The following ERBB4 variants were observed in gnomAD, a reference collection of about 807,000 sequenced individuals.
ERBB4 encodes the protein erb-b2 receptor tyrosine kinase 4.
In ERBB4, 42 loss-of-function variants were observed where a neutral mutation model predicts 158.0. The ratio of observed to expected loss-of-function variants is 0.27; its 90% CI spans 0.21 to 0.34. The LOEUF (loss-of-function observed/expected upper bound fraction) is 0.34. Ranked by LOEUF, ERBB4 falls within the 10% of genes least tolerant of loss-of-function variation. The pLI, the probability that ERBB4 is intolerant of heterozygous loss-of-function variation, is 1.00. For missense variants in ERBB4, 1,333 were observed against 1,624.1 expected (o/e 0.82, Z 3.08); for synonymous variants, 583 against 558.7 (o/e 1.04, Z -0.61).
At chr2:212,252,878 C>T (rs762446205) in intron 1 of ERBB4, among the ~76,000 whole-genome samples, 3 of 152,058 alleles carry the variant, frequency 2.0e-5, no homozygotes, top group Non-Finnish European at 4.4e-5. Context: ...AAAAGTGACA[C>T]ATATCTTTAG....
At chr2:212,391,744 T>A (rs1260639375) in intron 1 of ERBB4, among the ~76,000 whole-genome samples, 1 of 138,010 alleles carries the variant, frequency 7.2e-6, no homozygotes. Flanking sequence ...ACATATATAT[T>A]ATATATAATA....
chr2:211,832,589 T>C (rs1396711585), intron 3 of ERBB4, among the ~76,000 whole-genome samples: 6 of 150,796 alleles, frequency 4.0e-5, no homozygotes, highest in African/African-American at 7.3e-5. Flanking sequence ...TATATATATA[T>C]ACACATAAAC....
chr2:212,426,263 A>C, intron 1 of ERBB4: 1 of 482,630 alleles, frequency 2.1e-6, no homozygotes, highest in Non-Finnish European at 4.1e-6. Flanking sequence ...CCAAATGCAC[A>C]CTAAAATATT....
chr2:211,964,055 A>G (rs2081251014), intron 2 of ERBB4, among the ~76,000 whole-genome samples: 1 of 152,168 alleles, frequency 6.6e-6, no homozygotes, highest in South Asian at 2.1e-4. Context: ...GAAACTGGAC[A>G]AAGACACATG....
At chr2:212,232,627 C>A (rs1290145586) in intron 1 of ERBB4, among the ~76,000 whole-genome samples, 1 of 152,172 alleles carries the variant, frequency 6.6e-6, no homozygotes, top group Non-Finnish European at 1.5e-5. Flanking sequence ...CCAGGATGGT[C>A]TCCATCTCCT....
rs562743922 is a variant in ERBB4, at chr2:211,761,865, G to T, written c.557-11161C>A. Reference sequence around the variant, plus strand: ...AAAATACAAGCTTTTACTAAGTGCTGGTAAAGTGTGGAAAACCCCAGCTAT... The same window carrying T: ...AAAATACAAGCTTTTACTAAGTGCTTGTAAAGTGTGGAAAACCCCAGCTAT... On this transcript the variant is annotated intron_variant, in intron 4 of 27. Transcript: ENST00000342788. Among the ~76,000 whole-genome samples, 34 of 152,222 alleles carry T rather than the reference G, an allele frequency of 2.2e-4. No individual in the cohort carries two copies. In the South Asian group the frequency reaches 6.2e-3, roughly 28 times the overall value.
At chr2:212,244,473 T>C (rs373838958) in intron 1 of ERBB4, among the ~76,000 whole-genome samples, 5 of 152,166 alleles carry the variant, frequency 3.3e-5, no homozygotes, top group African/African-American at 1.2e-4. Flanking sequence ...TGTTAAAAAG[T>C]TGGGGAATGG....
chr2:212,368,442 G>A (rs2089969741), intron 1 of ERBB4, among the ~76,000 whole-genome samples: 1 of 152,078 alleles, frequency 6.6e-6, no homozygotes, highest in Admixed American at 6.6e-5. Flanking sequence ...GTGAGACAGG[G>A]GCGAGGGATG....
intron 1 of ERBB4, among the ~76,000 whole-genome samples, chr2:212,286,928 T>C (rs73066385): frequency 0.084 from 12,712 of 151,258 alleles, 561 homozygotes; most frequent in Non-Finnish European, 0.094. Flanking sequence ...TCTTAATATA[T>C]ATCCTAAAGC....
rs113872540 is a variant in ERBB4 at position 211,638,621 on chromosome 2, C to T, written c.1947-8027G>A. ...TAATGAATCAGAACGTACTGTCCCC[C>T]TTCCTAAGCAAATTTGAATGTTTTT... On this transcript the variant is annotated intron_variant, in intron 16 of 27. Transcript: ENST00000342788. Among the ~76,000 whole-genome samples, 604 of 152,234 alleles carry T rather than the reference C, an allele frequency of 4.0e-3. 5 individuals carry two copies. The highest frequency in any genetic ancestry group is 0.013 in the African/African-American group (549 of 41,544).
chr2:211,571,980 A>C (rs2067742086), intron 19 of ERBB4, among the ~76,000 whole-genome samples: 1 of 152,050 alleles, frequency 6.6e-6, no homozygotes, highest in Admixed American at 6.6e-5. Context: ...ATTCAGTTTT[A>C]AGATCTTGGA....
At chr2:211,960,107 T>C (rs1029474213) in intron 2 of ERBB4, among the ~76,000 whole-genome samples, 2 of 152,120 alleles carry the variant, frequency 1.3e-5, no homozygotes, top group African/African-American at 2.4e-5. Context: ...AGCACCTAGA[T>C]TGTGGTCTTA....
intron 1 of ERBB4, among the ~76,000 whole-genome samples, chr2:212,262,842 T>G (rs1036653723): frequency 1.3e-5 from 2 of 152,168 alleles, no homozygotes; most frequent in African/African-American, 4.8e-5. Flanking sequence ...TGTAAATGTA[T>G]GTCTGGAACT....
At chr2:212,096,404 A>AG (rs2078935244) in intron 2 of ERBB4, among the ~76,000 whole-genome samples, 1 of 152,186 alleles carries the variant, frequency 6.6e-6, no homozygotes, top group South Asian at 2.1e-4. Context: ...GAACTTGGTG[A>AG]AAATGTTAAA....
chr2:212,344,580 C>T (rs1422052026), intron 1 of ERBB4, among the ~76,000 whole-genome samples: 1 of 148,900 alleles, frequency 6.7e-6, no homozygotes, highest in African/African-American at 2.5e-5. Context: ...AATCCTAAAC[C>T]AGAAAAGTCT....
chr2:211,603,411 A>T (rs1383416871), intron 19 of ERBB4, among the ~76,000 whole-genome samples: 2 of 152,172 alleles, frequency 1.3e-5, no homozygotes, highest in African/African-American at 4.8e-5. Context: ...TCTTAATTAA[A>T]TGATTACCAA....
At chr2:211,792,962 C>T (rs900503971) in intron 3 of ERBB4, among the ~76,000 whole-genome samples, 2 of 151,820 alleles carry the variant, frequency 1.3e-5, no homozygotes, top group African/African-American at 4.8e-5. Context: ...ATATTATCTC[C>T]AAAACTATGG....
At chr2:211,821,616 G>C (rs2076996257) in intron 3 of ERBB4, among the ~76,000 whole-genome samples, 1 of 151,808 alleles carries the variant, frequency 6.6e-6, no homozygotes, top group South Asian at 2.1e-4. Context: ...ATACTACAAA[G>C]CTCTAGTAAC....
At chr2:212,080,758 C>A (rs2078419296) in intron 2 of ERBB4, among the ~76,000 whole-genome samples, 1 of 150,612 alleles carries the variant, frequency 6.6e-6, no homozygotes, top group African/African-American at 2.4e-5. Flanking sequence ...TTGCTTTCAA[C>A]ATTTCTTTTT....
Sources: allele counts gnomAD v4.1 joint callset (sites outside exome capture counted in the v4.1 genomes callset), GRCh38; gene constraint gnomAD v4.1.1; transcripts MANE v1.5; gene names NCBI Gene and HGNC (gene_info 2026-07-23, HGNC 2026-07-21).